EBF2: variants seen among roughly 807,000 people sequenced by gnomAD.
EBF2 encodes the protein EBF transcription factor 2, also known as transcription factor COE2.
Under a neutral mutation model 72.8 loss-of-function variants are expected in EBF2, and 21 were observed. The ratio of observed to expected loss-of-function variants is 0.29; its 90% CI spans 0.20 to 0.42. EBF2 has a LOEUF of 0.42. EBF2 is among the 10% of genes least tolerant of loss of function. The pLI is 1.00. For missense variants in EBF2, 637 were observed against 731.2 expected, an observed-to-expected ratio of 0.87 and a Z score of 1.49; for synonymous variants, 299 against 274.2, an observed-to-expected ratio of 1.09 and a Z score of -0.89.
At chr8:25,887,773 G>A in intron 9 of EBF2, 69 bp downstream of exon 9, 1 of 1,445,086 alleles carries the variant, frequency 6.9e-7, no homozygotes, top group Non-Finnish European at 9.2e-7. Context: ...TGGTGTTTGT[G>A]CTAGTTTCCC....
rs953418723 is a variant in EBF2 at position 26,032,972 on chromosome 8, T to C, written c.551+113A>G. ...GCCTTTGTTGGATGAGCTTAGTGACTTGAAATAACATGAAACCAACTTGAC... is the reference window on the plus strand; with the variant it reads ...GCCTTTGTTGGATGAGCTTAGTGACCTGAAATAACATGAAACCAACTTGAC... On this transcript the variant is annotated intron_variant, in intron 6 of 15. Transcript: ENST00000520164. 1.2e-5 allele frequency: 12 copies of C among 1,026,212 alleles called. 1 individual carries two copies. The highest frequency in any genetic ancestry group is 1.6e-5 in the Non-Finnish European group (11 of 669,520). The allele number at this position is 1,026,212 out of a possible 1,614,324, so 63.6% of individuals were successfully genotyped here.
intron 10 of EBF2, among the ~76,000 whole-genome samples, chr8:25,874,788 C>T (rs983097059): frequency 2.0e-5 from 3 of 151,382 alleles, no homozygotes; most frequent in Non-Finnish European, 4.4e-5. Context: ...TGGGCTCAAG[C>T]GTTTCTCCCA....
At position 26,039,764 on chromosome 8, in the gene EBF2, G is replaced by A. The variant is rs550960161; in HGVS notation, c.482+264C>T. On this transcript the variant is annotated intron_variant, in intron 5 of 15. Coordinates refer to ENST00000520164, the MANE Select transcript of EBF2 (RefSeq NM_022659.4). Reference sequence around the variant, plus strand: ...CACCACTACCACTGACAAGGGCACAGTGGAGACTTTCCACGTAGCCGGAGG... The same window carrying A: ...CACCACTACCACTGACAAGGGCACAATGGAGACTTTCCACGTAGCCGGAGG... Among the ~76,000 whole-genome samples, 304 of 152,358 alleles carry A rather than the reference G, an allele frequency of 2.0e-3. 1 individual carries two copies. The highest frequency in any genetic ancestry group is 7.1e-3 in the African/African-American group (295 of 41,596).
In EBF2 at chr8:26,003,821, C is replaced by G. The variant is rs921305587; in HGVS notation, c.551+29264G>C. 2.0e-5 allele frequency among the ~76,000 whole-genome samples: 3 copies of G among 152,170 alleles called. No individual in the cohort carries two copies. The East Asian group carries it at 5.8e-4, about 29-fold the overall frequency. On this transcript the variant is annotated intron_variant, in intron 6 of 15. Transcript: ENST00000520164. ...AATTCACACATCCTCTGAGCCGGAC[C>G]ATTATATCCTTCTCCTGAAAAATCA...
intron 6 of EBF2, among the ~76,000 whole-genome samples, chr8:25,954,215 C>T (rs990760899): frequency 6.6e-6 from 1 of 152,116 alleles, no homozygotes; most frequent in Non-Finnish European, 1.5e-5. Context: ...ATAGTTCAGG[C>T]GGAGTAAGAG....
chr8:25,892,204 TA>T (rs1802794078), intron 7 of EBF2, among the ~76,000 whole-genome samples: 1 of 152,214 alleles, frequency 6.6e-6, no homozygotes, highest in South Asian at 2.1e-4. Context: ...ATATTTGAAA[TA>T]GAACAATTAT....
At chr8:25,885,013 C>T (rs1322070245) in intron 10 of EBF2, among the ~76,000 whole-genome samples, 7 of 152,050 alleles carry the variant, frequency 4.6e-5, no homozygotes, top group Non-Finnish European at 1.0e-4. Context: ...TTTCTCTATA[C>T]TCTTTATTTT....
chr8:25,875,207 G>A (rs187463992), intron 10 of EBF2, among the ~76,000 whole-genome samples: 5 of 152,308 alleles, frequency 3.3e-5, no homozygotes, highest in Admixed American at 2.0e-4. Flanking sequence ...GAGGGAGGAC[G>A]CTCCCCAGAG....
At chr8:25,950,364 T>C (rs1037078655) in intron 6 of EBF2, among the ~76,000 whole-genome samples, 6 of 152,254 alleles carry the variant, frequency 3.9e-5, no homozygotes, top group African/African-American at 1.4e-4. Context: ...GAAATTGGAC[T>C]TGTCTCTCAA....
At position 25,971,972 on chromosome 8, in the gene EBF2, C is replaced by T. The variant is rs538420959; in HGVS notation, c.551+61113G>A. Among the ~76,000 whole-genome samples, 8 of 152,260 alleles carry T rather than the reference C, an allele frequency of 5.3e-5. No homozygotes were observed. In the East Asian group the frequency reaches 7.7e-4, roughly 15 times the overall value. ...TGGCCAGGGCGCATTGTTCCCCTTT[C>T]GGTGGTAGTCCTGCTGCGGCAAATA... On this transcript the variant is annotated intron_variant, in intron 6 of 15. Transcript: ENST00000520164.
At chr8:25,978,606 C>T (rs1217481083) in intron 6 of EBF2, among the ~76,000 whole-genome samples, 1 of 152,128 alleles carries the variant, frequency 6.6e-6, no homozygotes, top group African/African-American at 2.4e-5. Flanking sequence ...TGAATGAAAG[C>T]GGAAAGGTGC....
chr8:25,919,058 C>G (rs1000212556), intron 6 of EBF2, among the ~76,000 whole-genome samples: 1 of 152,184 alleles, frequency 6.6e-6, no homozygotes, highest in Non-Finnish European at 1.5e-5. Flanking sequence ...TCCATTAGGA[C>G]TGTATCCATT....
At chr8:26,033,740 T>C (rs1805447210) in intron 5 of EBF2, among the ~76,000 whole-genome samples, 1 of 106,956 alleles carries the variant, frequency 9.3e-6, no homozygotes, top group Non-Finnish European at 1.9e-5. Flanking sequence ...CATGGTCCCC[T>C]GAACTTAAAA....
intron 10 of EBF2, among the ~76,000 whole-genome samples, chr8:25,882,842 T>C (rs1185213132): frequency 6.6e-6 from 1 of 152,224 alleles, no homozygotes; most frequent in Non-Finnish European, 1.5e-5. Flanking sequence ...TTGTCTCCAA[T>C]AGCCTGAGCA....
chr8:25,891,678 A>G (rs1802783500), intron 7 of EBF2, among the ~76,000 whole-genome samples: 1 of 151,940 alleles, frequency 6.6e-6, no homozygotes, highest in Non-Finnish European at 1.5e-5. Context: ...CCAGGGTTAA[A>G]ACAATTCTCC....
chr8:25,935,502 T>A (rs572104457), intron 6 of EBF2, among the ~76,000 whole-genome samples: 195 of 152,328 alleles, frequency 1.3e-3, no homozygotes, highest in Middle Eastern at 6.8e-3. Flanking sequence ...AGAAACGGCA[T>A]CTGCTACACA....
intron 6 of EBF2, among the ~76,000 whole-genome samples, chr8:26,004,673 CAAAA>C (rs56848916): frequency 4.4e-5 from 2 of 45,458 alleles, no homozygotes; most frequent in East Asian, 6.5e-4. Context: ...AGACTGTCTC[CAAAA>C]AAAAAAAAAA....
At chr8:26,040,772 T>C in intron 3 of EBF2, 101 bp from the exon 4 acceptor site, 1 of 1,492,582 alleles carries the variant, frequency 6.7e-7, no homozygotes. Flanking sequence ...AGCCTCTCCA[T>C]GCTGAGCCGC....
chr8:25,959,345 C>A (rs1181069114), intron 6 of EBF2, among the ~76,000 whole-genome samples: 3 of 152,148 alleles, frequency 2.0e-5, no homozygotes, highest in Non-Finnish European at 2.9e-5. Flanking sequence ...GCTGGGATTA[C>A]AGGCGCCCAC....
Sources: gnomAD v4.1 joint callset for allele counts (sites outside exome capture counted in the v4.1 genomes callset) on GRCh38, gnomAD v4.1.1 for gene constraint, MANE v1.5 for transcripts, NCBI Gene and HGNC (gene_info 2026-07-23, HGNC 2026-07-21) for gene names.